Variants in ZNF717 observed in about 807,000 individuals in gnomAD.
ZNF717 encodes the protein krueppel-like factor X17.
In ZNF717, 9 loss-of-function variants were observed where a neutral mutation model predicts 13.8. The observed-to-expected ratio is 0.65, with a 90% CI of 0.39 to 1.14. The LOEUF (loss-of-function observed/expected upper bound fraction) is 1.14. Ranked by LOEUF, ZNF717 falls within the 50% of genes most tolerant of loss-of-function variation. The probability of loss-of-function intolerance (pLI) is 0.01; values close to 1 mark genes in which losing one functional copy is unlikely to be tolerated. For synonymous variants in ZNF717, 327 were observed against 364.1 expected (o/e 0.90, Z 1.16); for missense variants, 1,040 against 1,080.7 (o/e 0.96, Z 0.53).
intron 2 of ZNF717, among the ~76,000 whole-genome samples, chr3:75,743,947 T>C (rs1281543274): frequency 2.6e-5 from 4 of 152,234 alleles, no homozygotes; most frequent in African/African-American, 9.7e-5. Flanking sequence ...GCTCCACTGG[T>C]TCAGAAGAGA....
chr3:75,783,579 A>G lies in ZNF717; in HGVS notation c.-2-215T>C, dbSNP rs149047646. Among the ~76,000 whole-genome samples, 418 of 152,362 alleles carry G rather than the reference A, an allele frequency of 2.7e-3. 11 individuals carry two copies. In the East Asian group the frequency reaches 0.071, roughly 26 times the overall value. On this transcript the variant is annotated intron_variant, in intron 1 of 4. Transcript: ENST00000652011. ...TCTACAAGTACATTAATTGGTAGACATTAGATGCACAATTTATTTTGAATA... is the reference window on the plus strand; with the variant it reads ...TCTACAAGTACATTAATTGGTAGACGTTAGATGCACAATTTATTTTGAATA...
chr3:75,707,338 G>A (rs1937826863), downstream of ZNF717, among the ~76,000 whole-genome samples: 6 of 152,200 alleles, frequency 3.9e-5, no homozygotes, highest in Admixed American at 3.9e-4. Flanking sequence ...AAAGCCTAAT[G>A]GCAAGTACAG....
At chr3:75,725,067 C>T (rs980656156), downstream of ZNF717, among the ~76,000 whole-genome samples, 1 of 152,054 alleles carries the variant, frequency 6.6e-6, no homozygotes, top group African/African-American at 2.4e-5. Context: ...CTGCACTCCT[C>T]GACTCAGTGA....
At chr3:75,766,081 T>A (rs933918276) in intron 2 of ZNF717, among the ~76,000 whole-genome samples, 24 of 152,282 alleles carry the variant, frequency 1.6e-4, no homozygotes, top group Middle Eastern at 3.4e-3. Context: ...CACTACAGTC[T>A]GGGTGACAGA....
At chr3:75,734,450 T>G (rs1938905507), downstream of ZNF717, among the ~76,000 whole-genome samples, 1 of 150,590 alleles carries the variant, frequency 6.6e-6, no homozygotes, top group Admixed American at 6.6e-5. Flanking sequence ...GTTTTTTTTG[T>G]GAGATGGAGT....
chr3:75,731,691 T>C (rs1368378104), downstream of ZNF717, among the ~76,000 whole-genome samples: 1 of 152,096 alleles, frequency 6.6e-6, no homozygotes, highest in African/African-American at 2.4e-5. Flanking sequence ...AGCAGGAGGA[T>C]CCCTTGAGTC....
chr3:75,718,660 C>T (rs78039499), intron 4 of ZNF717, among the ~76,000 whole-genome samples: 39 of 151,788 alleles, frequency 2.6e-4, no homozygotes, highest in African/African-American at 7.5e-4. Context: ...ATTTTTCCAC[C>T]TCAGATCATC....
chr3:75,772,317 G>C (rs573292919), intron 2 of ZNF717, among the ~76,000 whole-genome samples: 1 of 152,322 alleles, frequency 6.6e-6, no homozygotes, highest in South Asian at 2.1e-4. Flanking sequence ...AAGAACTCGG[G>C]ACCTGCCAAC....
intron 6 of ZNF717, among the ~76,000 whole-genome samples, chr3:75,699,254 A>G (rs1159301908): frequency 1.1e-4 from 16 of 152,358 alleles, no homozygotes; most frequent in African/African-American, 3.9e-4. Flanking sequence ...CTTTTCAGTT[A>G]AGGCTGAAAT....
At chr3:75,763,466 T>A (rs912617803) in intron 2 of ZNF717, among the ~76,000 whole-genome samples, 1 of 152,232 alleles carries the variant, frequency 6.6e-6, no homozygotes, top group Non-Finnish European at 1.5e-5. Flanking sequence ...TCAGAGACAT[T>A]CAACCTATAG....
downstream of ZNF717, among the ~76,000 whole-genome samples, chr3:75,731,713 G>A (rs1217997968): frequency 5.9e-5 from 9 of 152,162 alleles, no homozygotes; most frequent in Middle Eastern, 3.2e-3. Flanking sequence ...AGGAGTTTGA[G>A]ACCAGCCTGT....
At chr3:75,755,534 A>G (rs2107492236) in intron 2 of ZNF717, among the ~76,000 whole-genome samples, 1 of 152,326 alleles carries the variant, frequency 6.6e-6, no homozygotes, top group South Asian at 2.1e-4. Flanking sequence ...GTATGCTTAT[A>G]CACAAGTGAA....
downstream of ZNF717, among the ~76,000 whole-genome samples, chr3:75,705,352 C>G (rs142490899): frequency 2.0e-5 from 3 of 152,250 alleles, no homozygotes. Context: ...GATGCTTGGT[C>G]AGGATAAAAA....
At chr3:75,751,554 T>C (rs1455313813) in intron 2 of ZNF717, among the ~76,000 whole-genome samples, 2 of 151,608 alleles carry the variant, frequency 1.3e-5, no homozygotes, top group South Asian at 2.1e-4. Context: ...TTCTGAGTAT[T>C]TGTCCCTCAC....
chr3:75,738,788 C>G lies in ZNF717; in HGVS notation c.835G>C (p.Gly279Arg), dbSNP rs1490116680. The stretch of plus-strand genomic sequence containing the variant: ...TCAACACATTCATAGGGTTTCTCTC[C>G]TGTGTGTGTCTGCTGATGTTTAGTG... ...DFTKHQQTHT[G>R]EKPYECVECE... The change falls in exon 5 of 5, where the codon GGA becomes CGA. Residue 279 changes from glycine (G) to arginine (R), a missense_variant. This residue lies in a region of ZNF717 where 873 missense variants were observed against 832.8 expected (regional missense o/e 1.05). Transcript: ENST00000652011. 2.6e-6 allele frequency: 4 copies of G among 1,552,914 alleles called. No homozygotes were observed. Among genetic ancestry groups the G allele is most frequent in the Non-Finnish European group, 3.5e-6 (4 of 1,147,948 alleles).
chr3:75,730,675 A>G (rs1490180312), intron 5 of ZNF717: 4 of 694,280 alleles, frequency 5.8e-6, no homozygotes, highest in Non-Finnish European at 1.0e-5. Context: ...AATCCATCAG[A>G]CCAAATGAAC....
chr3:75,708,636 A>C (rs1937858025), downstream of ZNF717, among the ~76,000 whole-genome samples: 1 of 152,234 alleles, frequency 6.6e-6, no homozygotes. Context: ...TGACGAGTTG[A>C]GAGAAGAAGG....
downstream of ZNF717, among the ~76,000 whole-genome samples, chr3:75,729,368 C>A (rs1195983788): frequency 6.6e-6 from 1 of 152,230 alleles, no homozygotes; most frequent in South Asian, 2.1e-4. Flanking sequence ...GTAATCCCAG[C>A]ACTCTAAGAG....
At chr3:75,756,579 C>A (rs923683576) in intron 2 of ZNF717, among the ~76,000 whole-genome samples, 5 of 152,168 alleles carry the variant, frequency 3.3e-5, no homozygotes, top group Non-Finnish European at 5.9e-5. Flanking sequence ...AAAAGCTAAA[C>A]AATGTTGCTG....
Sources: allele counts gnomAD v4.1 joint callset (sites outside exome capture counted in the v4.1 genomes callset), GRCh38; gene constraint gnomAD v4.1.1; regional missense constraint gnomAD v4.1.1; transcripts MANE v1.5; gene names NCBI Gene and HGNC (gene_info 2026-07-23, HGNC 2026-07-21).